The following NRXN3 variants were observed in gnomAD, a reference collection of about 807,000 sequenced individuals.
The protein encoded by NRXN3 is neurexin III.
NRXN3 carries 32 observed loss-of-function variants against 137.6 expected under a neutral mutation model. The observed-to-expected ratio is 0.23, with a 90% CI of 0.18 to 0.31. The LOEUF (loss-of-function observed/expected upper bound fraction) is 0.31, where lower values mean the gene tolerates loss of function less well. NRXN3 is among the 10% of genes least tolerant of loss of function. The pLI is 1.00. For synonymous variants in NRXN3, 798 were observed against 784.5 expected (o/e 1.02, Z -0.29); for missense variants, 1,574 against 2,062.5 (o/e 0.76, Z 4.59).
At chr14:78,786,745 G>A (rs1270613294) in intron 8 of NRXN3, among the ~76,000 whole-genome samples, 1 of 152,044 alleles carries the variant, frequency 6.6e-6, no homozygotes, top group Non-Finnish European at 1.5e-5. Flanking sequence ...ATATACTTAT[G>A]TATATGTACA....
At chr14:78,724,536 G>T (rs1236996044) in intron 8 of NRXN3, among the ~76,000 whole-genome samples, 2 of 140,516 alleles carry the variant, frequency 1.4e-5, no homozygotes, top group African/African-American at 6.0e-5. Flanking sequence ...GAAATGAGTG[G>T]TCAATAGAAT....
chr14:78,988,443 G>A, intron 15 of NRXN3: 2 of 373,596 alleles, frequency 5.4e-6, no homozygotes, highest in Non-Finnish European at 1.0e-5. Flanking sequence ...TTTGTTGTAA[G>A]GGCTTCAGTT....
intron 4 of NRXN3, among the ~76,000 whole-genome samples, chr14:78,524,721 G>T (rs530729966): frequency 1.3e-5 from 2 of 152,218 alleles, no homozygotes; most frequent in East Asian, 3.9e-4. Context: ...TTTAGAAAAA[G>T]ATACCTTCAA....
At chr14:79,729,077 G>A (rs147628011) in intron 19 of NRXN3, among the ~76,000 whole-genome samples, 1 of 152,266 alleles carries the variant, frequency 6.6e-6, no homozygotes, top group Non-Finnish European at 1.5e-5. Context: ...TGACATGTGT[G>A]CCACCATCAT....
At chr14:78,229,586 C>T (rs537621700) in intron 1 of NRXN3, among the ~76,000 whole-genome samples, 14 of 152,222 alleles carry the variant, frequency 9.2e-5, no homozygotes, top group South Asian at 4.2e-4. Flanking sequence ...GCTAGTGATC[C>T]GAACCAGAAT....
chr14:79,764,172 G>T (rs941437388), intron 19 of NRXN3, among the ~76,000 whole-genome samples: 5 of 146,984 alleles, frequency 3.4e-5, no homozygotes, highest in African/African-American at 1.3e-4. Flanking sequence ...GGGTGGGGGG[G>T]GTGTTAAGAT....
intron 15 of NRXN3, among the ~76,000 whole-genome samples, chr14:79,361,581 T>G (rs1014722558): frequency 7.9e-5 from 12 of 152,138 alleles, no homozygotes; most frequent in African/African-American, 2.9e-4. Context: ...GCCCAGTGTG[T>G]TGGTGCATGC....
chr14:79,547,760 A>G (rs751040926), intron 16 of NRXN3, among the ~76,000 whole-genome samples: 2 of 152,336 alleles, frequency 1.3e-5, no homozygotes, highest in African/African-American at 2.4e-5. Flanking sequence ...TAAATTTCCT[A>G]TGCATAGAAG....
At chr14:78,222,965 G>T (rs1029584137) in intron 1 of NRXN3, among the ~76,000 whole-genome samples, 2 of 152,216 alleles carry the variant, frequency 1.3e-5, no homozygotes, top group South Asian at 2.1e-4. Flanking sequence ...TTACAAGTTA[G>T]TATATCCATC....
At chr14:78,672,809 A>G (rs2097950852) in intron 6 of NRXN3, among the ~76,000 whole-genome samples, 1 of 152,224 alleles carries the variant, frequency 6.6e-6, no homozygotes. Context: ...AGGTGAAGAG[A>G]AAGCTTAAAT....
At chr14:78,343,710 A>T (rs1014911309) in intron 4 of NRXN3, among the ~76,000 whole-genome samples, 1 of 152,220 alleles carries the variant, frequency 6.6e-6, no homozygotes. Flanking sequence ...AGCCAGAGAC[A>T]AAGGGCAGGC....
intron 4 of NRXN3, among the ~76,000 whole-genome samples, chr14:78,504,026 G>T (rs2095932861): frequency 6.6e-6 from 1 of 152,176 alleles, no homozygotes; most frequent in African/African-American, 2.4e-5. Flanking sequence ...TTTAATGGAG[G>T]AGTCTTTACT....
chr14:79,390,064 T>C (rs749799395), intron 15 of NRXN3, among the ~76,000 whole-genome samples: 1 of 152,164 alleles, frequency 6.6e-6, no homozygotes, highest in African/African-American at 2.4e-5. Flanking sequence ...ACGCCTGTAA[T>C]CCCAGCGCTT....
At chr14:78,804,976 A>G (rs1459299778) in intron 9 of NRXN3, among the ~76,000 whole-genome samples, 1 of 152,182 alleles carries the variant, frequency 6.6e-6, no homozygotes, top group Admixed American at 6.5e-5. Context: ...AAAAATGATG[A>G]ACAAATGTAC....
chr14:78,359,075 G>A (rs923900873), intron 4 of NRXN3, among the ~76,000 whole-genome samples: 1 of 152,148 alleles, frequency 6.6e-6, no homozygotes, highest in African/African-American at 2.4e-5. Flanking sequence ...ATTCATTACT[G>A]TGTAAGTGGG....
chr14:78,193,969 G>A (rs919898622), intron 1 of NRXN3, among the ~76,000 whole-genome samples: 5 of 152,056 alleles, frequency 3.3e-5, no homozygotes, highest in Non-Finnish European at 4.4e-5. Context: ...CATCCTCTGC[G>A]GCTGGCTGCT....
chr14:78,510,356 A>C (rs760905874), intron 4 of NRXN3, among the ~76,000 whole-genome samples: 1 of 152,140 alleles, frequency 6.6e-6, no homozygotes, highest in Non-Finnish European at 1.5e-5. Context: ...GGTTATTCAG[A>C]GTTTAATCCT....
At chr14:78,899,662 A>G (rs897627288) in intron 10 of NRXN3, among the ~76,000 whole-genome samples, 3 of 152,024 alleles carry the variant, frequency 2.0e-5, no homozygotes, top group African/African-American at 4.8e-5. Context: ...CATTCATGAG[A>G]AAAAGGAAGA....
intron 6 of NRXN3, among the ~76,000 whole-genome samples, chr14:78,682,443 G>A (rs1016767073): frequency 3.3e-5 from 5 of 151,266 alleles, no homozygotes; most frequent in African/African-American, 4.9e-5. Flanking sequence ...AACCAAGTAC[G>A]ACACTTTGAC....
Sources: gnomAD v4.1 joint callset for allele counts (sites outside exome capture counted in the v4.1 genomes callset) on GRCh38, gnomAD v4.1.1 for gene constraint, MANE v1.5 for transcripts, NCBI Gene and HGNC (gene_info 2026-07-23, HGNC 2026-07-21) for gene names.